Variants in GRM6 observed in about 807,000 individuals in gnomAD.
The protein encoded by GRM6 is glutamate metabotropic receptor 6.
Under a neutral mutation model 78.4 loss-of-function variants are expected in GRM6, and 73 were observed. The ratio of observed to expected loss-of-function variants is 0.93; its 90% CI spans 0.77 to 1.13. The LOEUF is 1.13. Ranked by LOEUF, GRM6 falls within the 50% of genes most tolerant of loss-of-function variation. The pLI is 0.00. For synonymous variants in GRM6, 580 were observed against 555.0 expected (o/e 1.05, Z -0.63); for missense variants, 1,251 against 1,256.4 (o/e 1.00, Z 0.07).
At chr5:178,985,441 C>T (rs535796620) in intron 9 of GRM6, among the ~76,000 whole-genome samples, 27 of 151,730 alleles carry the variant, frequency 1.8e-4, no homozygotes, top group South Asian at 1.7e-3. Context: ...CAGCGGCTCC[C>T]GCCTGTCATC....
chr5:178,993,864 C>T (rs113800519), intron 2 of GRM6, among the ~76,000 whole-genome samples: 2 of 152,252 alleles, frequency 1.3e-5, no homozygotes, highest in African/African-American at 4.8e-5. Context: ...CAGAAGGGAA[C>T]GCCCCGCCCT....
Position 178,992,395 on chromosome 5 carries a change from A to AC in GRM6, c.505-313dup, listed in dbSNP as rs11449973. ...GGTACAAGCTGTGTCCTGAACAAGG[A>AC]CCCCCAGCAGAGGGCCTGCAGCCCA... On this transcript the variant is annotated intron_variant, in intron 2 of 10. Coordinates refer to ENST00000517717, the MANE Select transcript of GRM6 (RefSeq NM_000843.4). This position sits in a 1 kb window ranked among gnomAD's most constrained non-coding sequence, Gnocchi z 4.9. 1 allele frequency: 477,962 copies of AC among 478,278 alleles called. 238,825 individuals are homozygous for AC. Among genetic ancestry groups the AC allele is most frequent in the Middle Eastern group, 1 (3,270 of 3,270 alleles). 29.6% of individuals were successfully genotyped at this position (478,278 alleles called of 1,614,324 possible). A position where few individuals can be genotyped will look rare whatever the true frequency, so the allele number is the denominator to read the frequency against.
chr5:178,995,157 G>A (rs1760752430), intron 1 of GRM6, 119 bp downstream of exon 1: 1 of 202,942 alleles, frequency 4.9e-6, no homozygotes, highest in Non-Finnish European at 9.7e-6. Flanking sequence ...CCTGTCGCCC[G>A]GGGTCCCGCC....
Position 178,992,020 on chromosome 5 carries a change from A to C in GRM6, c.568T>G (p.Phe190Val). The C allele has an allele frequency of 6.2e-7, 1 of 1,614,122 alleles. No homozygotes were observed. The highest frequency in any genetic ancestry group is 8.5e-7 in the Non-Finnish European group (1 of 1,180,018). ...GAGTCGGGTGGCACCACCCGGGAGA[A>C]GAAGTCATAGCGTGTGGAGTCGCTG... ...ELSDSTRYDF[F>V]SRVVPPDSYQ... Residue 190 changes from phenylalanine (F) to valine (V), a missense_variant, in exon 3 of 11, where the codon TTC becomes GTC. Physicochemically the swap from Phe to Val is conservative, Grantham distance 50. Transcript: ENST00000517717. This position sits in a 1 kb window ranked among gnomAD's most constrained non-coding sequence, Gnocchi z 4.9.
rs1023117993 is a variant in GRM6 at position 178,979,569 on chromosome 5, G to A, written c.*2088C>T. On this transcript the variant is annotated 3_prime_UTR_variant, in exon 11 of 11. Coordinates refer to ENST00000517717, the MANE Select transcript of GRM6 (RefSeq NM_000843.4). ...ATGGCAGAGTGTGAAAGTCGTCTGC[G>A]GGAAGCCAGGACTCTATGCCAGAAA... 3.3e-5 allele frequency: 5 copies of A among 152,324 alleles called. No homozygotes were observed. Among genetic ancestry groups the A allele is most frequent in the Middle Eastern group, 3.4e-3 (1 of 294 alleles). 9.4% of individuals were successfully genotyped at this position (152,324 alleles called of 1,614,324 possible). A position where few individuals can be genotyped will look rare whatever the true frequency, so the allele number is the denominator to read the frequency against.
chr5:178,989,217 A>AGGCCC, intron 6 of GRM6, 48 bp downstream of exon 6: 1 of 954,828 alleles, frequency 1.0e-6, no homozygotes, highest in Non-Finnish European at 1.5e-6. Flanking sequence ...CCCCACCCTC[A>AGGCCC]CCACCCTCCC....
At chr5:178,987,359 G>A (rs1329713470) in intron 7 of GRM6, 2 of 474,084 alleles carry the variant, frequency 4.2e-6, no homozygotes, top group South Asian at 1.5e-5. Context: ...TGCTTGTACA[G>A]CCACGTTCAC....
At position 178,994,602 on chromosome 5, in the gene GRM6, C is replaced by G; in HGVS notation, c.343G>C (p.Ala115Pro). 7.1e-7 allele frequency: 1 copy of G among 1,416,308 alleles called. No individual in the cohort carries two copies. Among genetic ancestry groups the G allele is most frequent in the South Asian group, 1.4e-5 (1 of 70,010 alleles). The allele number at this position is 1,416,308 out of a possible 1,614,324, so 87.7% of individuals were successfully genotyped here. A position where few individuals can be genotyped will look rare whatever the true frequency, so the allele number is the denominator to read the frequency against. ...ALEQALSFVQALIRGRGDGDE... is the reference protein window; with the variant it reads ...ALEQALSFVQPLIRGRGDGDE... ...CCGTCGCCGCGGCCGCGGATCAGCG[C>G]CTGCACGAAGCTCAGCGCCTGCTCC... Residue 115 changes from alanine to proline, a missense_variant, in exon 2 of 11, where the codon GCG becomes CCG. Coordinates refer to ENST00000517717, the MANE Select transcript of GRM6 (RefSeq NM_000843.4).
Position 178,979,088 on chromosome 5 carries a change from C to T in GRM6, c.*2569G>A, listed in dbSNP as rs1760339648. 6.6e-6 allele frequency: 1 copy of T among 152,176 alleles called. No individual in the cohort carries two copies. Among genetic ancestry groups the T allele is most frequent in the Non-Finnish European group, 1.5e-5 (1 of 68,110 alleles). 9.4% of individuals were successfully genotyped at this position (152,176 alleles called of 1,614,324 possible). ...GCAACATAGTGAGACCTCGTCTCTACAAAAAATAAAACATTAGCTGGGTAT... is the reference window on the plus strand; with the variant it reads ...GCAACATAGTGAGACCTCGTCTCTATAAAAAATAAAACATTAGCTGGGTAT... On this transcript the variant is annotated 3_prime_UTR_variant, in exon 11 of 11. Coordinates refer to ENST00000517717, the MANE Select transcript of GRM6 (RefSeq NM_000843.4).
intron 2 of GRM6, among the ~76,000 whole-genome samples, chr5:178,994,019 G>T (rs927508594): frequency 1.3e-5 from 2 of 152,224 alleles, no homozygotes; most frequent in African/African-American, 4.8e-5. Flanking sequence ...CTGGAAGAAG[G>T]GCCCGGGTTC....
chr5:178,994,693 C>A lies in GRM6; in HGVS notation c.252G>T (p.Glu84Asp). 1 of 1,469,694 alleles carries A rather than the reference C, an allele frequency of 6.8e-7. No homozygotes were observed. Among genetic ancestry groups the A allele is most frequent in the Non-Finnish European group, 9.0e-7 (1 of 1,113,538 alleles). 91.0% of individuals were successfully genotyped at this position (1,469,694 alleles called of 1,614,324 possible). A position where few individuals can be genotyped will look rare whatever the true frequency, so the allele number is the denominator to read the frequency against. Residue 84 changes from glutamate (E) to aspartate (D), a missense_variant, in exon 2 of 11, where the codon GAG (glutamate) becomes GAT (aspartate). Transcript: ENST00000517717. ...CGCCCAGGCGCACGCCGGGCAGCAG[C>A]TCGGGGTCGGCGTTGACGCGGTCCA... The part of the protein sequence containing the change: ...YALDRVNADP[E>D]LLPGVRLGAR...
In GRM6 at chr5:178,990,516, T is replaced by C. The variant is rs1760650480; in HGVS notation, c.1012+76A>G. 13 of 1,177,700 alleles carry C rather than the reference T, an allele frequency of 1.1e-5. No individual in the cohort carries two copies. In the South Asian group the frequency reaches 1.6e-4, roughly 15 times the overall value. The allele number at this position is 1,177,700 out of a possible 1,614,324, so 73.0% of individuals were successfully genotyped here. A position where few individuals can be genotyped will look rare whatever the true frequency, so the allele number is the denominator to read the frequency against. ...TGGATTATGGCACCAATTACACAGA[T>C]GCAGAAAATGAGCATCCCCAAGAGG... On this transcript the variant is annotated intron_variant, in intron 5 of 10. Transcript: ENST00000517717.
At position 178,981,875 on chromosome 5, in the gene GRM6, C is replaced by G. The variant is rs747528585; in HGVS notation, c.2437-21G>C. The G allele has an allele frequency of 6.8e-7, 1 of 1,473,902 alleles. No individual in the cohort carries two copies. The highest frequency in any genetic ancestry group is 1.1e-5 in the South Asian group (1 of 88,172). The allele number at this position is 1,473,902 out of a possible 1,614,324, so 91.3% of individuals were successfully genotyped here. On this transcript the variant is annotated intron_variant, in intron 10 of 10. Transcript: ENST00000517717. The surrounding 1 kb of genome is among the most constrained non-coding windows in gnomAD (Gnocchi z 5.1). ...TAGATCTAGGCCATGGAAGAGGGGA[C>G]CAGATGGGACTCAGCCCTGCTCTCC...
rs1349624080 is a variant in GRM6, at chr5:178,994,734, C to T, written c.211G>A (p.Ala71Thr). Residue 71 changes from alanine to threonine, a missense_variant, in exon 2 of 11, where the codon GCC becomes ACC. Coordinates refer to ENST00000517717, the MANE Select transcript of GRM6 (RefSeq NM_000843.4). ...KKEQGVHRLE[A>T]MLYALDRVNA... is the part of the protein sequence containing the mutation. Reference sequence around the variant, plus strand: ...ACGCGGTCCAGCGCGTACAGCATGGCCTCCAGCCGGTGCACGCCCTGCTCC... The same window carrying T: ...ACGCGGTCCAGCGCGTACAGCATGGTCTCCAGCCGGTGCACGCCCTGCTCC... The T allele has an allele frequency of 2.7e-6, 4 of 1,460,138 alleles. No homozygotes were observed. The highest frequency in any genetic ancestry group is 3.1e-5 in the East Asian group (1 of 32,770). The allele number at this position is 1,460,138 out of a possible 1,614,324, so 90.4% of individuals were successfully genotyped here. A position where few individuals can be genotyped will look rare whatever the true frequency, so the allele number is the denominator to read the frequency against.
At position 178,994,873 on chromosome 5, in the gene GRM6, C is replaced by T. The variant is rs191142743; in HGVS notation, c.72G>A (p.Ala24=). ...ALLPLAWLAQ[A]GLARAAGSVR... is the part of the protein sequence containing the mutation. ...CAGAGCCCGCCGCGCGCGCCAGGCC[C>T]GCCTGCGCCAGCCACGCCAGCGGCA... The change falls in exon 2 of 11, where the codon GCG becomes GCA. Residue 24 remains alanine, a synonymous_variant. Coordinates refer to ENST00000517717, the MANE Select transcript of GRM6 (RefSeq NM_000843.4). 2.3e-3 allele frequency: 2,828 copies of T among 1,205,688 alleles called. 84 individuals carry two copies. The Admixed American group carries it at 0.066, about 28-fold the overall frequency. 74.7% of individuals were successfully genotyped at this position (1,205,688 alleles called of 1,614,324 possible).
Position 178,986,283 on chromosome 5 carries a change from C to G in GRM6, c.1971G>C (p.Leu657=), listed in dbSNP as rs774565608. 18 of 1,613,978 alleles carry G rather than the reference C, an allele frequency of 1.1e-5. No homozygotes were observed. Among genetic ancestry groups the G allele is most frequent in the African/African-American group, 2.7e-5 (2 of 74,946 alleles). Residue 657 remains leucine (L), a synonymous_variant, in exon 9 of 11, where the codon CTG becomes CTC. Coordinates refer to ENST00000517717, the MANE Select transcript of GRM6 (RefSeq NM_000843.4). ...AAVCAARRLF[L]GLGTTLSYSA... is the part of the protein sequence containing the mutation. ...AGTAGCTGAGGGTCGTGCCCAGGCC[C>G]AGGAAGAGCCTGCGGGCGGCACAGA...
chr5:178,985,795 T>G (rs1283671387), intron 9 of GRM6: 2 of 509,818 alleles, frequency 3.9e-6, no homozygotes, highest in Non-Finnish European at 7.4e-6. Context: ...AGGGTCTTAC[T>G]CTGACACCCA....
chr5:178,992,012 C>G lies in GRM6; in HGVS notation c.576G>C (p.Arg192=). The G allele has an allele frequency of 2.5e-6, 4 of 1,614,114 alleles. No individual in the cohort carries two copies. The highest frequency in any genetic ancestry group is 3.4e-6 in the Non-Finnish European group (4 of 1,180,008). ...SDSTRYDFFS[R]VVPPDSYQAQ... Reference sequence around the variant, plus strand: ...CCTGGTAGGAGTCGGGTGGCACCACCCGGGAGAAGAAGTCATAGCGTGTGG... The same window carrying G: ...CCTGGTAGGAGTCGGGTGGCACCACGCGGGAGAAGAAGTCATAGCGTGTGG... Residue 192 remains arginine, a synonymous_variant, in exon 3 of 11, where the codon CGG becomes CGC. Transcript: ENST00000517717. This position sits in a 1 kb window ranked among gnomAD's most constrained non-coding sequence, Gnocchi z 4.9.
rs184426700 is a variant in GRM6, at chr5:178,988,172, C to A, written c.1354+763G>T. Among the ~76,000 whole-genome samples the A allele has an allele frequency of 2.6e-5, 4 of 152,150 alleles. No homozygotes were observed. Among genetic ancestry groups the A allele is most frequent in the African/African-American group, 7.2e-5 (3 of 41,494 alleles). On this transcript the variant is annotated intron_variant, in intron 7 of 10. Transcript: ENST00000517717. The surrounding 1 kb of genome is among the most constrained non-coding windows in gnomAD (Gnocchi z 6.0). ...AATGAAAAAAGTTTCACTGTCCAGG[C>A]GAGAGGATGAGTTCAGACACGGAGA...
Sources: allele counts gnomAD v4.1 joint callset (sites outside exome capture counted in the v4.1 genomes callset), GRCh38; gene constraint gnomAD v4.1.1; non-coding constraint Gnocchi (gnomAD v3.1); transcripts MANE v1.5; gene names NCBI Gene and HGNC (gene_info 2026-07-23, HGNC 2026-07-21).